SPDYA: variants seen among roughly 807,000 people sequenced by gnomAD.
SPDYA encodes the protein speedy/RINGO cell cycle regulator family member A.
SPDYA carries 11 observed loss-of-function variants against 36.7 expected under a neutral mutation model. That is an observed-to-expected ratio of 0.30 (90% CI 0.19 to 0.50). The LOEUF (loss-of-function observed/expected upper bound fraction) is 0.50. SPDYA is among the 20% of genes least tolerant of loss of function. The pLI, the probability that SPDYA is intolerant of heterozygous loss-of-function variation, is 0.98. For missense variants in SPDYA, 287 were observed against 370.9 expected (o/e 0.77, Z 1.86); for synonymous variants, 115 against 118.7 (o/e 0.97, Z 0.20).
At position 28,811,387 on chromosome 2, in the gene SPDYA, T is replaced by G. The variant is rs1667840018; in HGVS notation, c.-93+440T>G. ...GGAATGGAGATTTGGGGGGTCTTTT[T>G]GATAAATCCTACCTCCTTATGTCCC... is the stretch of plus-strand genomic sequence containing the variant. On this transcript the variant is annotated intron_variant, in intron 1 of 7. Transcript: ENST00000334056. This position sits in a 1 kb window ranked among gnomAD's most constrained non-coding sequence, Gnocchi z 4.2. Among the ~76,000 whole-genome samples the G allele has an allele frequency of 6.6e-6, 1 of 152,176 alleles. No homozygotes were observed. Among genetic ancestry groups the G allele is most frequent in the African/African-American group, 2.4e-5 (1 of 41,462 alleles).
At chr2:28,820,277 A>G (rs1298723637) in intron 4 of SPDYA, among the ~76,000 whole-genome samples, 1 of 152,010 alleles carries the variant, frequency 6.6e-6, no homozygotes, top group African/African-American at 2.4e-5. Context: ...ATGTTTCTAT[A>G]TTCTTTAGAT....
intron 6 of SPDYA, among the ~76,000 whole-genome samples, chr2:28,833,609 CAATGGGGAA>C (rs1241017891): frequency 6.6e-6 from 1 of 152,062 alleles, no homozygotes; most frequent in Admixed American, 6.6e-5. Flanking sequence ...CAAGAAAATT[CAATGGGGAA>C]AATGTAGTCT....
intron 1 of SPDYA, among the ~76,000 whole-genome samples, chr2:28,812,857 CAA>C (rs70956047): frequency 9.5e-5 from 8 of 84,022 alleles, no homozygotes; most frequent in Non-Finnish European, 8.7e-5. Flanking sequence ...AACTCCGTCT[CAA>C]AAAAAAAAAA....
chr2:28,824,735 G>A (rs1357221405), intron 5 of SPDYA, among the ~76,000 whole-genome samples: 12 of 151,690 alleles, frequency 7.9e-5, no homozygotes, highest in Non-Finnish European at 2.9e-5. Flanking sequence ...ATTTTTAGTA[G>A]AGATGGGGTT....
At chr2:28,826,611 CTTT>C (rs777338299) in intron 5 of SPDYA, among the ~76,000 whole-genome samples, 813 of 75,338 alleles carry the variant, frequency 0.011, 5 homozygotes, top group African/African-American at 0.038. Context: ...TTCTTTCTCT[CTTT>C]TTTTTTTTTT....
chr2:28,836,859 T>G (rs1174712204), intron 6 of SPDYA, among the ~76,000 whole-genome samples: 2 of 152,214 alleles, frequency 1.3e-5, no homozygotes, highest in African/African-American at 4.8e-5. Context: ...TTATTTACAT[T>G]GGTGATGGCT....
intron 7 of SPDYA, among the ~76,000 whole-genome samples, chr2:28,845,009 C>G (rs1668836004): frequency 6.6e-6 from 1 of 152,032 alleles, no homozygotes; most frequent in Non-Finnish European, 1.5e-5. Flanking sequence ...TGGTCATGAA[C>G]TCCTGGCCTT....
chr2:28,840,748 G>T, intron 7 of SPDYA: 1 of 1,109,632 alleles, frequency 9.0e-7, no homozygotes, highest in Non-Finnish European at 1.1e-6. Context: ...TTTTTGAAAT[G>T]TTTATTTTAT....
At chr2:28,826,046 A>G (rs1668308225) in intron 5 of SPDYA, among the ~76,000 whole-genome samples, 2 of 151,940 alleles carry the variant, frequency 1.3e-5, no homozygotes, top group Non-Finnish European at 1.5e-5. Context: ...GGCTGCTTTT[A>G]AGACCTCTTT....
At chr2:28,834,564 A>C (rs987644764) in intron 6 of SPDYA, among the ~76,000 whole-genome samples, 3 of 152,244 alleles carry the variant, frequency 2.0e-5, no homozygotes, top group Admixed American at 6.5e-5. Flanking sequence ...TACCTGGTTC[A>C]AGCTACAACG....
At chr2:28,829,592 G>A (rs1668423390) in intron 6 of SPDYA, among the ~76,000 whole-genome samples, 1 of 151,800 alleles carries the variant, frequency 6.6e-6, no homozygotes, top group African/African-American at 2.4e-5. Context: ...TGGATCTCCT[G>A]AGGTCAGGAG....
intron 6 of SPDYA, among the ~76,000 whole-genome samples, chr2:28,838,187 T>C (rs926014105): frequency 6.6e-6 from 1 of 150,498 alleles, no homozygotes; most frequent in Non-Finnish European, 1.5e-5. Flanking sequence ...GATTTTTTTT[T>C]TTTTTTTTTT....
intron 6 of SPDYA, 88 bp downstream of exon 6, chr2:28,829,407 G>A (rs149939624): frequency 2.3e-6 from 3 of 1,303,448 alleles, no homozygotes; most frequent in South Asian, 1.5e-5. Context: ...CTAATGTTTT[G>A]GTATTCTGGG....
chr2:28,838,934 GT>G (rs1168285378), intron 6 of SPDYA, among the ~76,000 whole-genome samples: 1 of 152,208 alleles, frequency 6.6e-6, no homozygotes, highest in Non-Finnish European at 1.5e-5. Context: ...GCTCTCGAAT[GT>G]TACAGTTCTC....
intron 5 of SPDYA, among the ~76,000 whole-genome samples, chr2:28,826,611 C>CTTTTTTTTTTTTTTTTTTT (rs777338299): frequency 2.8e-4 from 21 of 75,328 alleles, no homozygotes; most frequent in East Asian, 4.9e-4. Flanking sequence ...TTCTTTCTCT[C>CTTTTTTTTTTTTTTTTTTT]TTTTTTTTTT....
At chr2:28,817,526 A>C (rs1429813309) in intron 3 of SPDYA, among the ~76,000 whole-genome samples, 1 of 150,138 alleles carries the variant, frequency 6.7e-6, no homozygotes. Context: ...GCACCATTGC[A>C]CTCCAGCCTG....
At chr2:28,828,511 C>T (rs1423033238) in intron 5 of SPDYA, among the ~76,000 whole-genome samples, 1 of 152,152 alleles carries the variant, frequency 6.6e-6, no homozygotes, top group Non-Finnish European at 1.5e-5. Flanking sequence ...TATAACTGTT[C>T]CAGTGTCCTT....
At chr2:28,814,415 C>A (rs1228234078) in intron 1 of SPDYA, among the ~76,000 whole-genome samples, 198 bp from the exon 2 acceptor site, 1 of 152,120 alleles carries the variant, frequency 6.6e-6, no homozygotes, top group Non-Finnish European at 1.5e-5. Flanking sequence ...AGAATGTGAA[C>A]TATCTCACTG....
At chr2:28,823,300 A>C (rs1668216471) in intron 5 of SPDYA, among the ~76,000 whole-genome samples, 1 of 152,186 alleles carries the variant, frequency 6.6e-6, no homozygotes. Context: ...TCTATAGGTC[A>C]GAATACATTT....
Sources: gnomAD v4.1 joint callset for allele counts (sites outside exome capture counted in the v4.1 genomes callset) on GRCh38, gnomAD v4.1.1 for gene constraint, Gnocchi (gnomAD v3.1) non-coding constraint, MANE v1.5 for transcripts, NCBI Gene and HGNC (gene_info 2026-07-23, HGNC 2026-07-21) for gene names.